The following TET3 variants were observed in gnomAD, a reference collection of about 807,000 sequenced individuals.
The protein encoded by TET3 is tet methylcytosine dioxygenase 3.
Under a neutral mutation model 141.4 loss-of-function variants are expected in TET3, and 19 were observed. The observed-to-expected ratio is 0.13, with a 90% CI of 0.09 to 0.20. The LOEUF (loss-of-function observed/expected upper bound fraction) is 0.20. Among genes scored for constraint, TET3 ranks in the 10% least tolerant of loss-of-function variants. The pLI is 1.00. For synonymous variants in TET3, 1,043 were observed against 980.9 expected, an observed-to-expected ratio of 1.06 and a Z score of -1.18; for missense variants, 1,874 against 2,356.9, an observed-to-expected ratio of 0.80 and a Z score of 4.24.
the TET3 span, among the ~76,000 whole-genome samples, chr2:74,126,741 G>T: frequency 6.6e-6 from 1 of 152,062 alleles, no homozygotes; most frequent in African/African-American, 2.4e-5. Flanking sequence ...CTGACCTCAT[G>T]ATCCACCTGC....
At chr2:73,998,799 GT>G (rs1006058940) in intron 2 of TET3, among the ~76,000 whole-genome samples, 4 of 151,088 alleles carry the variant, frequency 2.6e-5, no homozygotes, top group Admixed American at 6.6e-5. Context: ...GGGGTGTTGG[GT>G]TTTTTTTTGG....
At chr2:74,059,390 C>T (rs1260118334) in intron 4 of TET3, among the ~76,000 whole-genome samples, 1 of 152,174 alleles carries the variant, frequency 6.6e-6, no homozygotes, top group Non-Finnish European at 1.5e-5. Context: ...GTAGCTGGGA[C>T]TACAGGCATG....
At chr2:74,060,730 G>T (rs1048935036) in intron 4 of TET3, among the ~76,000 whole-genome samples, 1 of 152,088 alleles carries the variant, frequency 6.6e-6, no homozygotes, top group Non-Finnish European at 1.5e-5. Flanking sequence ...ATGACTCTTA[G>T]CGAGCATGCT....
chr2:74,134,920 C>T, the TET3 span: 5 of 370,276 alleles, frequency 1.4e-5, no homozygotes, highest in Non-Finnish European at 2.8e-5. Flanking sequence ...GTGACTTGCT[C>T]CCAAGTTCAG....
downstream of TET3, among the ~76,000 whole-genome samples, chr2:74,112,188 G>C (rs543430259): frequency 6.6e-6 from 1 of 151,970 alleles, no homozygotes; most frequent in South Asian, 2.1e-4. Flanking sequence ...CTTTGCCGCA[G>C]GGCCCCACAG....
At chr2:74,022,470 C>T (rs755551804) in intron 3 of TET3, among the ~76,000 whole-genome samples, 3 of 146,092 alleles carry the variant, frequency 2.1e-5, no homozygotes, top group Non-Finnish European at 3.0e-5. Context: ...TCTGTTGCCC[C>T]GGCTGGAGGG....
At chr2:74,128,569 C>G in the TET3 span, among the ~76,000 whole-genome samples, 1 of 151,870 alleles carries the variant, frequency 6.6e-6, no homozygotes, top group Admixed American at 6.6e-5. Context: ...CCCATACTAA[C>G]GTAAGATGTG....
intron 4 of TET3, among the ~76,000 whole-genome samples, chr2:74,058,718 C>G (rs781058630): frequency 2.6e-5 from 4 of 152,086 alleles, no homozygotes; most frequent in Non-Finnish European, 4.4e-5. Flanking sequence ...AACAGCAGAA[C>G]AGAATTTTAC....
At chr2:74,015,173 T>C (rs1349585205) in intron 3 of TET3, among the ~76,000 whole-genome samples, 2 of 152,172 alleles carry the variant, frequency 1.3e-5, no homozygotes, top group Admixed American at 1.3e-4. Flanking sequence ...TCTTACCCTT[T>C]ATCCTAACTC....
Position 74,093,672 on chromosome 2 carries a change from C to T in TET3, c.3267+6C>T. ...TCTACAATGGGTGCACCGTGGTAAGCCTGTGCCCTGTCATAGCCCCACCTG... is the reference window on the plus strand; with the variant it reads ...TCTACAATGGGTGCACCGTGGTAAGTCTGTGCCCTGTCATAGCCCCACCTG... On this transcript the variant is annotated splice_donor_region_variant and intron_variant, in intron 10 of 11. Transcript: ENST00000409262. The surrounding 1 kb of genome is among the most constrained non-coding windows in gnomAD (Gnocchi z 4.2). 2 of 1,593,620 alleles carry T rather than the reference C, an allele frequency of 1.3e-6. No individual in the cohort carries two copies. Among genetic ancestry groups the T allele is most frequent in the Non-Finnish European group, 1.7e-6 (2 of 1,167,836 alleles).
At chr2:74,125,226 C>A in the TET3 span, among the ~76,000 whole-genome samples, 1 of 152,180 alleles carries the variant, frequency 6.6e-6, no homozygotes, top group Non-Finnish European at 1.5e-5. Flanking sequence ...AGGTGATCTG[C>A]CTGCCTCGGC....
chr2:74,003,879 CAG>C (rs1685008197), intron 3 of TET3, among the ~76,000 whole-genome samples: 1 of 150,720 alleles, frequency 6.6e-6, no homozygotes, highest in Non-Finnish European at 1.5e-5. Flanking sequence ...GTGTTTGAGA[CAG>C]GGGAGGGGAG....
At chr2:74,126,727 T>A in the TET3 span, among the ~76,000 whole-genome samples, 1 of 152,056 alleles carries the variant, frequency 6.6e-6, no homozygotes, top group South Asian at 2.1e-4. Flanking sequence ...ATGGTCTCAA[T>A]CTCCTGACCT....
At chr2:74,016,187 G>C (rs1426944229) in intron 3 of TET3, among the ~76,000 whole-genome samples, 2 of 152,046 alleles carry the variant, frequency 1.3e-5, no homozygotes, top group African/African-American at 4.8e-5. Flanking sequence ...GGGCAACATA[G>C]TGAGACCCCA....
chr2:74,042,488 T>C (rs1251425549), intron 3 of TET3, among the ~76,000 whole-genome samples: 1 of 152,204 alleles, frequency 6.6e-6, no homozygotes, highest in Non-Finnish European at 1.5e-5. Context: ...AATTTGATTT[T>C]TGAATGTTGG....
At chr2:74,123,989 C>T in the TET3 span, among the ~76,000 whole-genome samples, 1 of 151,944 alleles carries the variant, frequency 6.6e-6, no homozygotes, top group Non-Finnish European at 1.5e-5. Context: ...TGCCCGGCCG[C>T]CCCGTCTGAG....
intron 2 of TET3, among the ~76,000 whole-genome samples, chr2:73,991,805 C>CAA (rs772400180): frequency 0.19 from 15,222 of 79,230 alleles, 1,469 homozygotes; most frequent in African/African-American, 0.31. Flanking sequence ...AACTCTGTCT[C>CAA]AAAAAAAAAA....
chr2:74,114,503 A>G, the TET3 span, among the ~76,000 whole-genome samples: 28 of 152,286 alleles, frequency 1.8e-4, no homozygotes, highest in African/African-American at 6.3e-4. Context: ...TACACTTAAA[A>G]TCATAAATTT....
In TET3 at chr2:74,047,744, C is replaced by G; in HGVS notation, c.1827C>G (p.Ile609Met). The change falls in exon 4 of 12, where the codon ATC becomes ATG. Residue 609 changes from isoleucine (I) to methionine (M), a missense_variant. By Grantham distance (10) the Ile-to-Met change is conservative. Transcript: ENST00000409262. ...IKPSVRKPIQ[I>M]KKSRPREAQP... Reference sequence around the variant, plus strand: ...CCAGTGTCCGAAAGCCCATTCAGATCAAGAAGTCCAGGCCCCGGGAAGCAC... The same window carrying G: ...CCAGTGTCCGAAAGCCCATTCAGATGAAGAAGTCCAGGCCCCGGGAAGCAC... The G allele has an allele frequency of 1.2e-6, 2 of 1,613,758 alleles. No homozygotes were observed. Among genetic ancestry groups the G allele is most frequent in the Non-Finnish European group, 1.7e-6 (2 of 1,179,804 alleles).
Sources: allele counts gnomAD v4.1 joint callset (sites outside exome capture counted in the v4.1 genomes callset), GRCh38; gene constraint gnomAD v4.1.1; non-coding constraint Gnocchi (gnomAD v3.1); transcripts MANE v1.5; gene names NCBI Gene and HGNC (gene_info 2026-07-23, HGNC 2026-07-21).